The following ZNG1E variants were observed in gnomAD, a reference collection of about 807,000 sequenced individuals.
ZNG1E encodes zinc-regulated GTPase metalloprotein activator 1E.
chr9:65,684,548 A>ACACG, the ZNG1E span, among the ~76,000 whole-genome samples: 11 of 66,838 alleles, frequency 1.6e-4, no homozygotes, highest in South Asian at 5.1e-4. Flanking sequence ...ACACACACGC[A>ACACG]CGCACACACA....
chr9:65,662,429 G>A, the ZNG1E span, among the ~76,000 whole-genome samples: 156 of 142,340 alleles, frequency 1.1e-3, no homozygotes, highest in South Asian at 3.1e-3. Context: ...GAATGGTAGC[G>A]TATCGACGCT....
At chr9:65,681,395 A>T in the ZNG1E span, among the ~76,000 whole-genome samples, 1 of 152,266 alleles carries the variant, frequency 6.6e-6, no homozygotes, top group Non-Finnish European at 1.5e-5. Flanking sequence ...CTTAAATAAA[A>T]GCTAAAATAA....
At chr9:65,690,309 C>T in the ZNG1E span, among the ~76,000 whole-genome samples, 190 of 37,352 alleles carry the variant, frequency 5.1e-3, no homozygotes, top group South Asian at 0.013. Context: ...TGCGTTGTGG[C>T]ATACTAATCA....
At chr9:65,665,535 G>A in the ZNG1E span, among the ~76,000 whole-genome samples, 1 of 152,076 alleles carries the variant, frequency 6.6e-6, no homozygotes, top group East Asian at 1.9e-4. Context: ...TGCTAGGGCA[G>A]TGTGAAAGGG....
At chr9:65,663,895 A>G in the ZNG1E span, among the ~76,000 whole-genome samples, 1 of 152,130 alleles carries the variant, frequency 6.6e-6, no homozygotes, top group Non-Finnish European at 1.5e-5. Context: ...TCCCTGAGGT[A>G]GTTCATGTTA....
At chr9:65,707,884 C>G in the ZNG1E span, 4 of 137,792 alleles carry the variant, frequency 2.9e-5, no homozygotes, top group East Asian at 6.1e-4. Context: ...TCTTTTGAGG[C>G]GGAGTCTCAC....
the ZNG1E span, among the ~76,000 whole-genome samples, chr9:65,657,416 C>T: frequency 1.3e-5 from 2 of 152,324 alleles, no homozygotes; most frequent in Non-Finnish European, 2.9e-5. Context: ...ATGTCATTTG[C>T]AACAACATGG....
the ZNG1E span, among the ~76,000 whole-genome samples, chr9:65,715,544 T>C: frequency 1.5e-5 from 2 of 133,996 alleles, no homozygotes; most frequent in Admixed American, 1.5e-4. Context: ...TTTTTTATTG[T>C]AGTAAGAACA....
the ZNG1E span, among the ~76,000 whole-genome samples, chr9:65,717,596 G>A: frequency 2.2e-4 from 33 of 149,566 alleles, 1 homozygote; most frequent in African/African-American, 8.4e-4. Context: ...GATGCTGTGG[G>A]CAGTTTTGAT....
the ZNG1E span, among the ~76,000 whole-genome samples, chr9:65,727,340 C>A: frequency 2.1e-5 from 3 of 145,844 alleles, no homozygotes; most frequent in African/African-American, 5.3e-5. Flanking sequence ...CAACAAAAAC[C>A]AAAAAAAACA....
At chr9:65,691,686 G>A in the ZNG1E span, among the ~76,000 whole-genome samples, 1 of 152,204 alleles carries the variant, frequency 6.6e-6, no homozygotes, top group Non-Finnish European at 1.5e-5. Flanking sequence ...GGCAATATGA[G>A]GATCATATTT....
At chr9:65,663,859 C>G in the ZNG1E span, among the ~76,000 whole-genome samples, 1 of 151,464 alleles carries the variant, frequency 6.6e-6, no homozygotes, top group Non-Finnish European at 1.5e-5. Flanking sequence ...CTCCTCTTCC[C>G]CCATTGTCTC....
the ZNG1E span, chr9:65,675,685 AGGT>A: frequency 1.7e-6 from 1 of 580,418 alleles, no homozygotes; most frequent in African/African-American, 2.1e-5. Context: ...ACCTTCAGAC[AGGT>A]GGTTAGTGCG....
chr9:65,713,681 GC>G, the ZNG1E span, among the ~76,000 whole-genome samples: 1 of 149,026 alleles, frequency 6.7e-6, no homozygotes, highest in African/African-American at 2.5e-5. Flanking sequence ...TTGAATATTG[GC>G]CCCCACTCTC....
chr9:65,672,555 C>T, the ZNG1E span, among the ~76,000 whole-genome samples: 6 of 151,802 alleles, frequency 4.0e-5, no homozygotes, highest in Admixed American at 3.9e-4. Flanking sequence ...ACCAGCCTGG[C>T]TAACGTGGTG....
chr9:65,671,431 T>C, the ZNG1E span, among the ~76,000 whole-genome samples: 1 of 151,890 alleles, frequency 6.6e-6, no homozygotes, highest in Non-Finnish European at 1.5e-5. Flanking sequence ...GCAATTCTTT[T>C]GCCTCAACCT....
At chr9:65,721,137 C>T in the ZNG1E span, among the ~76,000 whole-genome samples, 2 of 146,120 alleles carry the variant, frequency 1.4e-5, no homozygotes, top group African/African-American at 2.7e-5. Context: ...TTTGGAGCAG[C>T]CAGTGTCTCC....
At chr9:65,660,671 G>A in the ZNG1E span, among the ~76,000 whole-genome samples, 1 of 151,606 alleles carries the variant, frequency 6.6e-6, no homozygotes, top group African/African-American at 2.4e-5. Flanking sequence ...CTATTGTGGT[G>A]TGATTCAATA....
chr9:65,693,468 A>C, the ZNG1E span: 1 of 1,283,278 alleles, frequency 7.8e-7, no homozygotes, highest in South Asian at 1.2e-5. Context: ...GATAGGGCCC[A>C]AAGCAGTAAG....
Sources: allele counts gnomAD v4.1 joint callset (sites outside exome capture counted in the v4.1 genomes callset), GRCh38; gene constraint gnomAD v4.1.1; transcripts MANE v1.5; gene names NCBI Gene and HGNC (gene_info 2026-07-23, HGNC 2026-07-21).